HIF1AN: variants seen among roughly 807,000 people sequenced by gnomAD.
HIF1AN encodes the protein hypoxia-inducible factor 1-alpha inhibitor.
A neutral mutation model predicts 47.7 loss-of-function variants in HIF1AN; 21 were observed. The observed-to-expected ratio is 0.44, with a 90% CI of 0.31 to 0.63. The LOEUF (loss-of-function observed/expected upper bound fraction) is 0.63. Among genes scored for constraint, HIF1AN ranks in the 30% least tolerant of loss-of-function variants. HIF1AN has a pLI of 0.07. For missense variants in HIF1AN, 320 were observed against 432.7 expected (o/e 0.74, Z 2.31); for synonymous variants, 152 against 155.9 (o/e 0.98, Z 0.18).
chr10:100,542,453 A>G (rs1462685765), intron 3 of HIF1AN, among the ~76,000 whole-genome samples: 2 of 152,046 alleles, frequency 1.3e-5, no homozygotes, highest in Non-Finnish European at 2.9e-5. Context: ...TCCCAGGTTC[A>G]CGCCATTCTC....
intron 3 of HIF1AN, among the ~76,000 whole-genome samples, chr10:100,543,641 C>T (rs2133725796): frequency 6.6e-6 from 1 of 152,264 alleles, no homozygotes; most frequent in Middle Eastern, 3.4e-3. Flanking sequence ...GGCGTGATCT[C>T]AGCTCACTGC....
At chr10:100,544,305 G>A (rs1160604386) in intron 3 of HIF1AN, among the ~76,000 whole-genome samples, 1 of 152,200 alleles carries the variant, frequency 6.6e-6, no homozygotes, top group African/African-American at 2.4e-5. Context: ...GGCTAGATGT[G>A]GTGGCTCACG....
At position 100,540,665 on chromosome 10, in the gene HIF1AN, G is replaced by T; in HGVS notation, c.460G>T (p.Val154Leu). 6.2e-7 allele frequency: 1 copy of T among 1,613,878 alleles called. No homozygotes were observed. Among genetic ancestry groups the T allele is most frequent in the South Asian group, 1.1e-5 (1 of 91,030 alleles). Residue 154 changes from valine to leucine, a missense_variant, in exon 3 of 8, where the codon GTG becomes TTG. Val to Leu is a conservative substitution (Grantham distance 32, BLOSUM62 1). Coordinates refer to ENST00000299163, the MANE Select transcript of HIF1AN (RefSeq NM_017902.3). ...TCTGCAGCAAACGCTCAATGACACT[G>T]TGGGCAGGAAGATTGTCATGGACTT... Reference protein sequence around the residue: ...LYLQQTLNDTVGRKIVMDFLG... With the variant: ...LYLQQTLNDTLGRKIVMDFLG...
In HIF1AN at chr10:100,556,580, GT is replaced by G. The variant is rs1843216379; in HGVS notation, c.*8448del. The G allele has an allele frequency of 6.6e-6, 1 of 152,222 alleles. No homozygotes were observed. The highest frequency in any genetic ancestry group is 1.5e-5 in the Non-Finnish European group (1 of 68,052). 9.4% of individuals were successfully genotyped at this position (152,222 alleles called of 1,614,324 possible). ...ATGGATTTAAGAACGTTGCCTCCAA[GT>G]TTTTGAATTGTGAATTTTTGATCAT... is the stretch of plus-strand genomic sequence containing the variant. On this transcript the variant is annotated 3_prime_UTR_variant, in exon 8 of 8. Coordinates refer to ENST00000299163, the MANE Select transcript of HIF1AN (RefSeq NM_017902.3).
rs1383107954 is a variant in HIF1AN, at chr10:100,552,709, G to A, written c.*4572G>A. On this transcript the variant is annotated 3_prime_UTR_variant, in exon 8 of 8. Coordinates refer to ENST00000299163, the MANE Select transcript of HIF1AN (RefSeq NM_017902.3). ...TCCCTCAGAAACTCCATGGCTGCAA[G>A]TGTGAATAGACTTGTCTTTAGGATC... 1 of 152,380 alleles carries A rather than the reference G, an allele frequency of 6.6e-6. No homozygotes were observed. 9.4% of individuals were successfully genotyped at this position (152,380 alleles called of 1,614,324 possible).
intron 3 of HIF1AN, among the ~76,000 whole-genome samples, chr10:100,541,594 G>A (rs7923567): frequency 2.7e-3 from 409 of 151,878 alleles, no homozygotes; most frequent in African/African-American, 9.2e-3. Flanking sequence ...TCCGCCTCCC[G>A]TGTTCAAGTG....
At chr10:100,547,428 TC>T (rs1160821045) in intron 7 of HIF1AN, among the ~76,000 whole-genome samples, 178 bp downstream of exon 7, 1 of 152,228 alleles carries the variant, frequency 6.6e-6, no homozygotes, top group Non-Finnish European at 1.5e-5. Context: ...GACTGGCAGA[TC>T]AATTATAATT....
At chr10:100,538,698 G>A (rs978244750) in intron 2 of HIF1AN, among the ~76,000 whole-genome samples, 6 of 151,548 alleles carry the variant, frequency 4.0e-5, no homozygotes, top group Non-Finnish European at 7.4e-5. Context: ...GCACGTGCCT[G>A]TAGTCTCAGC....
Position 100,550,818 on chromosome 10 carries a change from A to G in HIF1AN, c.*2681A>G, listed in dbSNP as rs181272065. On this transcript the variant is annotated 3_prime_UTR_variant, in exon 8 of 8. Transcript: ENST00000299163. ...TATAGAACTGAAGCTGTAGTTCTAG[A>G]TGGCACTAAGGGTCTTGGTTCATAT... 6.6e-6 allele frequency: 1 copy of G among 152,334 alleles called. No homozygotes were observed. Among genetic ancestry groups the G allele is most frequent in the Admixed American group, 6.5e-5 (1 of 15,302 alleles). The allele number at this position is 152,334 out of a possible 1,614,324, so 9.4% of individuals were successfully genotyped here.
Position 100,553,761 on chromosome 10 carries a change from C to G in HIF1AN, c.*5624C>G, listed in dbSNP as rs1267365480. On this transcript the variant is annotated 3_prime_UTR_variant, in exon 8 of 8. Transcript: ENST00000299163. The stretch of plus-strand genomic sequence containing the variant: ...TGACCTTGGTTGATTTACTTAACCT[C>G]TCTGAGCCTCAGTTTCCTCAACTAT... 6.6e-6 allele frequency: 1 copy of G among 152,196 alleles called. No homozygotes were observed. Among genetic ancestry groups the G allele is most frequent in the Non-Finnish European group, 1.5e-5 (1 of 68,062 alleles). The allele number at this position is 152,196 out of a possible 1,614,324, so 9.4% of individuals were successfully genotyped here.
At position 100,553,629 on chromosome 10, in the gene HIF1AN, C is replaced by T. The variant is rs1246475101; in HGVS notation, c.*5492C>T. 1.3e-5 allele frequency: 2 copies of T among 152,206 alleles called. No individual in the cohort carries two copies. Among genetic ancestry groups the T allele is most frequent in the Non-Finnish European group, 2.9e-5 (2 of 68,032 alleles). 9.4% of individuals were successfully genotyped at this position (152,206 alleles called of 1,614,324 possible). On this transcript the variant is annotated 3_prime_UTR_variant, in exon 8 of 8. Transcript: ENST00000299163. ...CATATTTTGGGAAGGAGCATATGTC[C>T]TTTAACTTTCAATGGTAAACAATCT...
rs1491359738 is a variant in HIF1AN at position 100,549,042 on chromosome 10, G to GT, written c.*905_*906insT. On this transcript the variant is annotated 3_prime_UTR_variant, in exon 8 of 8. Coordinates refer to ENST00000299163, the MANE Select transcript of HIF1AN (RefSeq NM_017902.3). ...ATCCACACTAGGGGTGCAAGCCTCT[G>GT]GGTGTGTGTGTGTGTGTGCGTGCGT... is the stretch of plus-strand genomic sequence containing the variant. 0.01 allele frequency: 1,118 copies of GT among 109,026 alleles called. 15 individuals are homozygous for GT. Among genetic ancestry groups the GT allele is most frequent in the African/African-American group, 0.037 (993 of 26,668 alleles). The allele number at this position is 109,026 out of a possible 1,614,324, so 6.8% of individuals were successfully genotyped here. A position where few individuals can be genotyped will look rare whatever the true frequency, so the allele number is the denominator to read the frequency against.
intron 3 of HIF1AN, 80 bp downstream of exon 3, chr10:100,540,862 C>G: frequency 1.6e-6 from 2 of 1,288,516 alleles, no homozygotes; most frequent in Non-Finnish European, 1.0e-6. Context: ...CTTATTAGCT[C>G]CATGACTTTG....
intron 3 of HIF1AN, among the ~76,000 whole-genome samples, chr10:100,544,226 A>G (rs891760372): frequency 1.3e-4 from 20 of 152,194 alleles, no homozygotes; most frequent in African/African-American, 4.8e-4. Context: ...CAGTCATCTG[A>G]TATTCTTTCC....
intron 2 of HIF1AN, among the ~76,000 whole-genome samples, chr10:100,537,556 AACACAAGAC>A (rs1345205918): frequency 2.4e-4 from 37 of 152,382 alleles, no homozygotes; most frequent in African/African-American, 8.4e-4. Context: ...TCACAACAGC[AACACAAGAC>A]ACACAAGACA....
chr10:100,538,470 G>A (rs1461058297), intron 2 of HIF1AN, among the ~76,000 whole-genome samples: 1 of 152,042 alleles, frequency 6.6e-6, no homozygotes, highest in African/African-American at 2.4e-5. Flanking sequence ...TATTATCTTT[G>A]GGGAGCGTTG....
chr10:100,546,451 G>GCCCCCCCCCCCCCCCC, intron 5 of HIF1AN, 67 bp from the exon 6 acceptor site: 2 of 365,882 alleles, frequency 5.5e-6, no homozygotes, highest in Non-Finnish European at 9.5e-6. Context: ...CCACCCCCCC[G>GCCCCCCCCCCCCCCCC]CACTTCGCCC....
Position 100,541,785 on chromosome 10 carries a change from G to A in HIF1AN, c.577+1003G>A, listed in dbSNP as rs150675930. Among the ~76,000 whole-genome samples, 98 of 152,320 alleles carry A rather than the reference G, an allele frequency of 6.4e-4. 1 individual carries two copies. Among genetic ancestry groups the A allele is most frequent in the Admixed American group, 1.4e-3 (22 of 15,304 alleles). On this transcript the variant is annotated intron_variant, in intron 3 of 7. Transcript: ENST00000299163. The stretch of plus-strand genomic sequence containing the variant: ...CCTCTCTGAAATACAGACATGTGAT[G>A]CTTAATGTCAGGGATACGTTCTGAG...
chr10:100,541,112 G>A (rs1196678025), intron 3 of HIF1AN, among the ~76,000 whole-genome samples: 1 of 152,090 alleles, frequency 6.6e-6, no homozygotes, highest in African/African-American at 2.4e-5. Flanking sequence ...CCAGCTACTC[G>A]GGAGGCTGAG....
Sources: allele counts gnomAD v4.1 joint callset (sites outside exome capture counted in the v4.1 genomes callset), GRCh38; gene constraint gnomAD v4.1.1; transcripts MANE v1.5; gene names NCBI Gene and HGNC (gene_info 2026-07-23, HGNC 2026-07-21).